USP40: variants seen among roughly 807,000 people sequenced by gnomAD.
USP40 encodes the protein ubiquitin carboxyl-terminal hydrolase 40.
A neutral mutation model predicts 166.2 loss-of-function variants in USP40; 143 were observed. The observed-to-expected ratio is 0.86, with a 90% CI of 0.75 to 0.99. USP40 has a LOEUF of 0.99. Among genes scored for constraint, USP40 ranks in the 50% least tolerant of loss-of-function variants. The pLI, the probability that USP40 is intolerant of heterozygous loss-of-function variation, is 0.00. For synonymous variants in USP40, 498 were observed against 524.0 expected, an observed-to-expected ratio of 0.95 and a Z score of 0.68; for missense variants, 1,444 against 1,479.7, an observed-to-expected ratio of 0.98 and a Z score of 0.40.
Position 233,511,710 on chromosome 2 carries a change from T to C in USP40, c.2525A>G (p.Gln842Arg), listed in dbSNP as rs931016871. Residue 842 changes from glutamine (Q) to arginine (R), a missense_variant and splice_region_variant, in exon 20 of 32, where the codon CAG becomes CGG. Transcript: ENST00000678225. ...LCLGKAPSSS[Q>R]LFLFFAMGSD... Reference sequence around the variant, plus strand: ...TTGAAACAGGTGACCTTATTTTACCTGAGACGAACTTGGTGCTTTTCCAAG... The same window carrying C: ...TTGAAACAGGTGACCTTATTTTACCCGAGACGAACTTGGTGCTTTTCCAAG... The C allele has an allele frequency of 2.5e-6, 4 of 1,609,212 alleles. No homozygotes were observed. The highest frequency in any genetic ancestry group is 3.4e-6 in the Non-Finnish European group (4 of 1,177,936).
At chr2:233,545,102 C>A (rs2069786630) in intron 8 of USP40, among the ~76,000 whole-genome samples, 1 of 152,150 alleles carries the variant, frequency 6.6e-6, no homozygotes, top group South Asian at 2.1e-4. Context: ...GTCCACAATA[C>A]TAAAATCACA....
chr2:233,478,977 A>G (rs1285590130), intron 31 of USP40, among the ~76,000 whole-genome samples: 1 of 150,602 alleles, frequency 6.6e-6, no homozygotes, highest in African/African-American at 2.4e-5. Flanking sequence ...ACGTGACACT[A>G]TTAACTCCAA....
chr2:233,494,956 TTATATA>T (rs71058559), intron 24 of USP40, among the ~76,000 whole-genome samples: 1,248 of 34,636 alleles, frequency 0.036, 12 homozygotes, highest in African/African-American at 0.062. Context: ...ATATATATAT[TTATATA>T]TATATATATA....
At chr2:233,523,554 G>GC in intron 15 of USP40, 65 bp from the exon 16 acceptor site, 1 of 1,421,652 alleles carries the variant, frequency 7.0e-7, no homozygotes, top group South Asian at 1.4e-5. Flanking sequence ...ACATAACATG[G>GC]TAAAAGATTA....
intron 26 of USP40, among the ~76,000 whole-genome samples, chr2:233,490,605 C>T (rs1235466065): frequency 6.6e-6 from 1 of 152,186 alleles, no homozygotes; most frequent in Non-Finnish European, 1.5e-5. Flanking sequence ...CATTTCAGTC[C>T]AACAGTAGGC....
intron 10 of USP40, among the ~76,000 whole-genome samples, chr2:233,535,667 C>T (rs182762428): frequency 1.2e-4 from 18 of 152,198 alleles, no homozygotes; most frequent in Admixed American, 2.6e-4. Flanking sequence ...GAATGCAATG[C>T]AAAGCTCTTC....
intron 18 of USP40, among the ~76,000 whole-genome samples, chr2:233,516,168 T>C (rs1382659365): frequency 6.6e-6 from 1 of 151,732 alleles, no homozygotes; most frequent in Non-Finnish European, 1.5e-5. Context: ...ACCTCCTCTC[T>C]ATATGTCTAC....
intron 8 of USP40, among the ~76,000 whole-genome samples, chr2:233,544,463 C>T (rs1345811950): frequency 6.6e-6 from 1 of 152,208 alleles, no homozygotes; most frequent in Non-Finnish European, 1.5e-5. Flanking sequence ...TCTCTCTCCC[C>T]TCCCCAAGGT....
chr2:233,520,415 G>T (rs1330500377), intron 17 of USP40, among the ~76,000 whole-genome samples: 5 of 151,750 alleles, frequency 3.3e-5, no homozygotes, highest in African/African-American at 1.2e-4. Flanking sequence ...CAACATTCTA[G>T]TAAGTTTCAA....
chr2:233,484,927 C>T (rs1322565171), intron 30 of USP40, among the ~76,000 whole-genome samples: 6 of 152,196 alleles, frequency 3.9e-5, no homozygotes, highest in East Asian at 1.9e-4. Flanking sequence ...ACAGAAGGGG[C>T]GGTTAGGGGA....
intron 4 of USP40, among the ~76,000 whole-genome samples, chr2:233,557,472 A>G (rs982379410): frequency 6.6e-6 from 1 of 152,240 alleles, no homozygotes; most frequent in Non-Finnish European, 1.5e-5. Flanking sequence ...AACAACTAAA[A>G]CAAGACTAAC....
chr2:233,511,292 A>T (rs778765498), intron 20 of USP40, among the ~76,000 whole-genome samples: 1 of 152,196 alleles, frequency 6.6e-6, no homozygotes, highest in African/African-American at 2.4e-5. Context: ...ACTGTGTTTC[A>T]TTCAACCTAA....
chr2:233,558,653 G>C lies in USP40; in HGVS notation c.381+1158C>G, dbSNP rs536557941. On this transcript the variant is annotated intron_variant, in intron 4 of 31. Transcript: ENST00000678225. Reference sequence around the variant, plus strand: ...CTAACGGGTATGGAGTTTCTTTTTGGGGTGGTAAAAATTTTCTAAAATTGA... The same window carrying C: ...CTAACGGGTATGGAGTTTCTTTTTGCGGTGGTAAAAATTTTCTAAAATTGA... Among the ~76,000 whole-genome samples, 45 of 152,168 alleles carry C rather than the reference G, an allele frequency of 3.0e-4. 3 individuals carry two copies. The South Asian group carries it at 8.7e-3, about 29-fold the overall frequency.
rs838543 is a variant in USP40, at chr2:233,523,371, A to G, written c.2000T>C (p.Val667Ala). 0.2 allele frequency: 328,428 copies of G among 1,613,728 alleles called. 34,334 individuals are homozygous for G. The highest frequency in any genetic ancestry group is 0.22 in the African/African-American group (16,340 of 74,962). Residue 667 changes from valine (V) to alanine (A), a missense_variant, in exon 16 of 32, where the codon GTC becomes GCC. Val to Ala is a moderately conservative substitution (Grantham distance 64). Coordinates refer to ENST00000678225, the MANE Select transcript of USP40 (RefSeq NM_001365479.2). ...GCCCACTTCTGCATTAGCTGGAAAG[A>G]CATGTGGAGATTCTATCACCTGACA... ...KCCQVIESPHVFPANAEVGTV... is the reference protein window; with the variant it reads ...KCCQVIESPHAFPANAEVGTV...
intron 23 of USP40, among the ~76,000 whole-genome samples, chr2:233,497,651 G>A (rs892629924): frequency 2.6e-5 from 4 of 152,196 alleles, no homozygotes; most frequent in African/African-American, 9.6e-5. Context: ...ATTCTTTGAT[G>A]CCAATTTGGG....
At position 233,565,547 on chromosome 2, in the gene USP40, CCAAA is replaced by C; in HGVS notation, c.4_7del (p.Phe2GlyfsTer22). On this transcript the variant is annotated frameshift_variant, in exon 2 of 32. Coordinates refer to ENST00000678225, the MANE Select transcript of USP40 (RefSeq NM_001365479.2). LOFTEE classifies it high-confidence loss of function. Reference sequence around the variant, plus strand: ...GGAATACTCCTCTTCAAACAGGTCCCCAAACATTGTGAAACTAAATACTACCCTT... The same window carrying C: ...GGAATACTCCTCTTCAAACAGGTCCCCATTGTGAAACTAAATACTACCCTT... 1 of 1,536,844 alleles carries C rather than the reference CCAAA, an allele frequency of 6.5e-7. No individual in the cohort carries two copies. The highest frequency in any genetic ancestry group is 8.7e-7 in the Non-Finnish European group (1 of 1,146,726).
intron 10 of USP40, among the ~76,000 whole-genome samples, chr2:233,536,317 G>T (rs2068931367): frequency 6.6e-6 from 1 of 152,176 alleles, no homozygotes; most frequent in South Asian, 2.1e-4. Context: ...TATAATATCT[G>T]AAACGTATAG....
chr2:233,476,793 A>T lies in USP40; in HGVS notation c.*599T>A, dbSNP rs1318031442. Reference sequence around the variant, plus strand: ...CACCCTGTGTGGCTCCTCCTCGTGGAAAGAGCTCGCACTTTTCAGCATCGC... The same window carrying T: ...CACCCTGTGTGGCTCCTCCTCGTGGTAAGAGCTCGCACTTTTCAGCATCGC... On this transcript the variant is annotated 3_prime_UTR_variant, in exon 32 of 32. Transcript: ENST00000678225. 1.3e-5 allele frequency: 2 copies of T among 159,976 alleles called. No individual in the cohort carries two copies. Among genetic ancestry groups the T allele is most frequent in the Non-Finnish European group, 2.8e-5 (2 of 72,302 alleles). The allele number at this position is 159,976 out of a possible 1,614,324, so 9.9% of individuals were successfully genotyped here.
At chr2:233,539,105 G>A (rs1364449948) in intron 10 of USP40, among the ~76,000 whole-genome samples, 7 of 151,462 alleles carry the variant, frequency 4.6e-5, no homozygotes, top group Admixed American at 4.0e-4. Flanking sequence ...ATAGCTTCCA[G>A]AAGATACATG....
Sources: allele counts gnomAD v4.1 joint callset (sites outside exome capture counted in the v4.1 genomes callset), GRCh38; gene constraint gnomAD v4.1.1; transcripts MANE v1.5; gene names NCBI Gene and HGNC (gene_info 2026-07-23, HGNC 2026-07-21).